The following XRCC5 variants were observed in gnomAD, a reference collection of about 807,000 sequenced individuals.
XRCC5 encodes DNA repair protein Ku80.
A neutral mutation model predicts 95.7 loss-of-function variants in XRCC5; 12 were observed. That is an observed-to-expected ratio of 0.13 (90% confidence interval 0.08 to 0.20). The LOEUF is 0.20. Among genes scored for constraint, XRCC5 ranks in the 10% least tolerant of loss-of-function variants. The pLI, the probability that XRCC5 is intolerant of heterozygous loss-of-function variation, is 1.00. For synonymous variants in XRCC5, 281 were observed against 290.3 expected (o/e 0.97, Z 0.33); for missense variants, 595 against 873.9 (o/e 0.68, Z 4.02).
At chr2:216,120,674 G>C (rs944333532) in intron 5 of XRCC5, among the ~76,000 whole-genome samples, 20 of 152,110 alleles carry the variant, frequency 1.3e-4, no homozygotes, top group African/African-American at 4.3e-4. Flanking sequence ...TCCTACCGGA[G>C]CCTTCTGTAT....
chr2:216,138,261 G>A (rs2106013212), intron 12 of XRCC5, 82 bp downstream of exon 12: 4 of 1,266,300 alleles, frequency 3.2e-6, no homozygotes, highest in Non-Finnish European at 4.5e-6. Context: ...TGTTGGTTGG[G>A]GCTAGGTATT....
rs1208656693 is a variant in XRCC5, at chr2:216,138,106, G to A, written c.1269G>A (p.Gln423=). ...CTCATTAGTGTTTAGTGTATGTGCA[G>A]CTGCCTTTCATGGAAGACTTGCGGC... ...KHNYECLVYV[Q]LPFMEDLRQY... The change falls in exon 12 of 21, where the codon CAG becomes CAA. Residue 423 remains glutamine (Q), a synonymous_variant. Coordinates refer to ENST00000392132, the MANE Select transcript of XRCC5 (RefSeq NM_021141.4). 6.2e-7 allele frequency: 1 copy of A among 1,613,148 alleles called. No individual in the cohort carries two copies. Among genetic ancestry groups the A allele is most frequent in the Admixed American group, 1.7e-5 (1 of 59,988 alleles).
At chr2:216,157,294 C>T (rs572951743) in intron 14 of XRCC5, among the ~76,000 whole-genome samples, 4 of 151,508 alleles carry the variant, frequency 2.6e-5, no homozygotes, top group African/African-American at 9.7e-5. Flanking sequence ...AGTGCAGTGG[C>T]GCCATTGTGG....
chr2:216,131,067 A>G (rs1450992666), intron 9 of XRCC5, 80 bp downstream of exon 9: 2 of 1,447,658 alleles, frequency 1.4e-6, no homozygotes, highest in Non-Finnish European at 1.9e-6. Context: ...CATTTTATTT[A>G]TAAGGTATAT....
At chr2:216,189,701 A>C (rs981546721) in intron 16 of XRCC5, among the ~76,000 whole-genome samples, 23 of 152,220 alleles carry the variant, frequency 1.5e-4, no homozygotes, top group Admixed American at 6.5e-5. Flanking sequence ...TATTTTGTTA[A>C]GACTAGGGCT....
At position 216,131,154 on chromosome 2, in the gene XRCC5, A is replaced by G. The variant is rs941151553; in HGVS notation, c.1050+167A>G. On this transcript the variant is annotated intron_variant, in intron 9 of 20. Coordinates refer to ENST00000392132, the MANE Select transcript of XRCC5 (RefSeq NM_021141.4). Reference sequence around the variant, plus strand: ...TGGTATGTATTTTATACATTGGGAAACTGAGGTTCAGAGCCGTTAAGTAAA... The same window carrying G: ...TGGTATGTATTTTATACATTGGGAAGCTGAGGTTCAGAGCCGTTAAGTAAA... 5.1e-6 allele frequency: 5 copies of G among 984,478 alleles called. No individual in the cohort carries two copies. The African/African-American group carries it at 5.2e-5, about 10-fold the overall frequency. 61.0% of individuals were successfully genotyped at this position (984,478 alleles called of 1,614,324 possible).
intron 6 of XRCC5, among the ~76,000 whole-genome samples, chr2:216,123,931 C>T (rs933553814): frequency 2.0e-4 from 30 of 152,192 alleles, no homozygotes; most frequent in African/African-American, 6.5e-4. Flanking sequence ...TTTAGCATTT[C>T]GACGCTACTT....
intron 16 of XRCC5, among the ~76,000 whole-genome samples, chr2:216,184,270 A>T (rs561416787): frequency 1.3e-5 from 2 of 152,316 alleles, no homozygotes; most frequent in South Asian, 4.1e-4. Flanking sequence ...GTAACTCTAA[A>T]GACGTTTCAA....
At chr2:216,196,628 A>G (rs1191959701) in intron 19 of XRCC5, among the ~76,000 whole-genome samples, 1 of 152,176 alleles carries the variant, frequency 6.6e-6, no homozygotes, top group Non-Finnish European at 1.5e-5. Context: ...AATTTGTAGG[A>G]CAGGCTAGCA....
chr2:216,199,622 C>G (rs1478453132), intron 19 of XRCC5, among the ~76,000 whole-genome samples: 1 of 151,992 alleles, frequency 6.6e-6, no homozygotes, highest in Non-Finnish European at 1.5e-5. Flanking sequence ...TTTGTATAGC[C>G]TTTGTGTGCT....
intron 8 of XRCC5, among the ~76,000 whole-genome samples, chr2:216,129,899 A>G (rs985642854): frequency 6.6e-6 from 1 of 152,068 alleles, no homozygotes; most frequent in Non-Finnish European, 1.5e-5. Flanking sequence ...GATGGTCTCA[A>G]TCTCCTGACC....
intron 16 of XRCC5, 140 bp downstream of exon 16, chr2:216,162,188 A>G: frequency 1.3e-6 from 1 of 782,800 alleles, no homozygotes; most frequent in Non-Finnish European, 2.1e-6. Flanking sequence ...TTCCCTTGTT[A>G]GGGAGCTCAC....
In XRCC5 at chr2:216,161,940, A is replaced by G. The variant is rs989176547; in HGVS notation, c.1765-39A>G. On this transcript the variant is annotated intron_variant, in intron 15 of 20. Transcript: ENST00000392132. ...TTGCCTGGGGTGCTGCTAAAAAGAG[A>G]AATAACCTGTAGGTTTATCATCTGT... 5 of 1,584,244 alleles carry G rather than the reference A, an allele frequency of 3.2e-6. No homozygotes were observed. In the Admixed American group the frequency reaches 5.0e-5, roughly 16 times the overall value.
At chr2:216,197,858 T>C (rs541925291) in intron 19 of XRCC5, among the ~76,000 whole-genome samples, 1 of 152,342 alleles carries the variant, frequency 6.6e-6, no homozygotes, top group South Asian at 2.1e-4. Flanking sequence ...GCCAATGTAG[T>C]ATGTATACCA....
intron 16 of XRCC5, among the ~76,000 whole-genome samples, chr2:216,185,681 C>CTTT (rs201760459): frequency 4.4e-4 from 63 of 142,992 alleles, no homozygotes; most frequent in African/African-American, 1.6e-3. Context: ...TTTTCTTTTT[C>CTTT]TTTTTTTTTT....
chr2:216,194,911 C>T lies in XRCC5; in HGVS notation c.2042-8C>T, dbSNP rs776094756. ...TGTTTTGATTTTACTCTCTGAATTA[C>T]TTTTTAGATGGAATTACTCTGATCA... On this transcript the variant is annotated splice_polypyrimidine_tract_variant and splice_region_variant and intron_variant, in intron 18 of 20. Transcript: ENST00000392132. 10 of 1,613,728 alleles carry T rather than the reference C, an allele frequency of 6.2e-6. No individual in the cohort carries two copies. Among genetic ancestry groups the T allele is most frequent in the African/African-American group, 1.3e-5 (1 of 75,020 alleles).
intron 7 of XRCC5, 75 bp from the exon 8 acceptor site, chr2:216,127,461 G>A: frequency 6.7e-7 from 1 of 1,500,922 alleles, no homozygotes; most frequent in Non-Finnish European, 8.9e-7. Flanking sequence ...GTGCCAGAGA[G>A]TGTATTAGGT....
At chr2:216,157,223 T>C (rs575235996) in intron 14 of XRCC5, among the ~76,000 whole-genome samples, 1 of 102,266 alleles carries the variant, frequency 9.8e-6, no homozygotes, top group Admixed American at 8.3e-5. Flanking sequence ...TTTTCTTTTT[T>C]TTTTGTTTTT....
intron 8 of XRCC5, among the ~76,000 whole-genome samples, chr2:216,129,712 C>T (rs1423157518): frequency 2.6e-5 from 4 of 152,186 alleles, no homozygotes; most frequent in Non-Finnish European, 4.4e-5. Flanking sequence ...CTTGCTCTGT[C>T]GCCCAGACTG....
Sources: allele counts gnomAD v4.1 joint callset (sites outside exome capture counted in the v4.1 genomes callset), GRCh38; gene constraint gnomAD v4.1.1; transcripts MANE v1.5; gene names NCBI Gene and HGNC (gene_info 2026-07-23, HGNC 2026-07-21).